ASIC2: variants seen among roughly 807,000 people sequenced by gnomAD.
ASIC2 encodes acid-sensing ion channel 2.
ASIC2 carries 25 observed loss-of-function variants against 57.3 expected under a neutral mutation model. That is an observed-to-expected ratio of 0.44 (90% CI 0.32 to 0.61). The LOEUF (loss-of-function observed/expected upper bound fraction) is 0.61. Ranked by LOEUF, ASIC2 falls within the 20% of genes least tolerant of loss-of-function variation. ASIC2 has a pLI of 0.06. For synonymous variants in ASIC2, 319 were observed against 307.5 expected, an observed-to-expected ratio of 1.04 and a Z score of -0.39; for missense variants, 641 against 738.1, an observed-to-expected ratio of 0.87 and a Z score of 1.52.
At chr17:33,112,116 A>G (rs1357868800) in intron 1 of ASIC2, 49 bp from the exon 2 acceptor site, 1 of 1,554,034 alleles carries the variant, frequency 6.4e-7, no homozygotes, top group South Asian at 1.2e-5. Flanking sequence ...GTAACTTCAG[A>G]CGGGGGTCCA....
At chr17:33,258,508 G>A (rs978084101) in intron 1 of ASIC2, among the ~76,000 whole-genome samples, 2 of 152,176 alleles carry the variant, frequency 1.3e-5, no homozygotes, top group East Asian at 1.9e-4. Flanking sequence ...AGATCTAAAT[G>A]AAGTGAGGGA....
chr17:33,992,841 TGAC>T, intron 1 of ASIC2, among the ~76,000 whole-genome samples: 1 of 152,226 alleles, frequency 6.6e-6, no homozygotes, highest in African/African-American at 2.4e-5. Flanking sequence ...AATAAATGAA[TGAC>T]CAGAGTCAGC....
intron 1 of ASIC2, among the ~76,000 whole-genome samples, chr17:33,653,773 C>T (rs1906995624): frequency 6.6e-6 from 1 of 152,070 alleles, no homozygotes; most frequent in Non-Finnish European, 1.5e-5. Context: ...AATCTGGAAC[C>T]CCCCAGAGCT....
chr17:33,878,679 C>T (rs1914616879), intron 1 of ASIC2, among the ~76,000 whole-genome samples: 1 of 152,240 alleles, frequency 6.6e-6, no homozygotes. Flanking sequence ...TTGGAAAACA[C>T]TCTGCAGGAT....
intron 1 of ASIC2, among the ~76,000 whole-genome samples, chr17:33,407,240 T>C (rs1910504363): frequency 6.6e-6 from 1 of 152,224 alleles, no homozygotes; most frequent in Non-Finnish European, 1.5e-5. Context: ...AAGGACAATG[T>C]CTCAGTGCCC....
intron 1 of ASIC2, among the ~76,000 whole-genome samples, chr17:33,795,242 T>A (rs909283235): frequency 2.6e-5 from 4 of 152,234 alleles, no homozygotes; most frequent in African/African-American, 7.2e-5. Context: ...TCACCAACAC[T>A]ACTCATCCTA....
At chr17:33,863,633 G>A (rs955802959) in intron 1 of ASIC2, among the ~76,000 whole-genome samples, 1 of 152,242 alleles carries the variant, frequency 6.6e-6, no homozygotes, top group African/African-American at 2.4e-5. Flanking sequence ...AAGATAATCC[G>A]GGCCACCATC....
chr17:33,737,934 A>T (rs1385150098), intron 1 of ASIC2, among the ~76,000 whole-genome samples: 1 of 152,240 alleles, frequency 6.6e-6, no homozygotes, highest in Non-Finnish European at 1.5e-5. Context: ...AGAGAAGGAA[A>T]AACCCAACTT....
At chr17:33,536,260 C>T (rs374507842) in intron 1 of ASIC2, among the ~76,000 whole-genome samples, 179 of 152,278 alleles carry the variant, frequency 1.2e-3, no homozygotes, top group African/African-American at 4.2e-3. Context: ...TTTTGGATTT[C>T]TGTCTTTCCT....
At chr17:34,035,495 C>G (rs1306720543) in intron 1 of ASIC2, among the ~76,000 whole-genome samples, 1 of 150,210 alleles carries the variant, frequency 6.7e-6, no homozygotes, top group African/African-American at 2.5e-5. Context: ...GTCTAAAACA[C>G]CAAAAGCAAT....
At chr17:34,049,323 T>A (rs1019055850) in intron 1 of ASIC2, among the ~76,000 whole-genome samples, 1 of 151,986 alleles carries the variant, frequency 6.6e-6, no homozygotes, top group Admixed American at 6.6e-5. Flanking sequence ...ACAAGAAATA[T>A]GTTGTAGGCA....
intron 1 of ASIC2, among the ~76,000 whole-genome samples, chr17:33,325,015 T>A (rs535526881): frequency 9.8e-5 from 15 of 152,312 alleles, no homozygotes; most frequent in Admixed American, 2.6e-4. Flanking sequence ...AATGCTGACT[T>A]CTTTCCGGGC....
chr17:34,154,481 C>T (rs1187489357), intron 1 of ASIC2, among the ~76,000 whole-genome samples: 1 of 152,178 alleles, frequency 6.6e-6, no homozygotes, highest in East Asian at 1.9e-4. Flanking sequence ...ACAGCTCCTC[C>T]AAGAAACAGA....
In ASIC2 at chr17:33,280,946, A is replaced by G. The variant is rs964579848; in HGVS notation, c.708+10462T>C. Among the ~76,000 whole-genome samples, 12 of 152,314 alleles carry G rather than the reference A, an allele frequency of 7.9e-5. No homozygotes were observed. The South Asian group carries it at 2.1e-3, about 26-fold the overall frequency. On this transcript the variant is annotated intron_variant, in intron 1 of 9. Coordinates refer to ENST00000225823, the MANE Select transcript of ASIC2 (RefSeq NM_183377.2). ...AAGATTAAACCCTTCACTTTCTAAG[A>G]TCAGAGTATCAACAACTTTCAGATC...
chr17:34,100,857 T>C (rs1199328290), intron 1 of ASIC2, among the ~76,000 whole-genome samples: 1 of 152,204 alleles, frequency 6.6e-6, no homozygotes, highest in African/African-American at 2.4e-5. Flanking sequence ...TACTTGATCA[T>C]AGGAAGCCAT....
intron 1 of ASIC2, among the ~76,000 whole-genome samples, chr17:33,388,093 AAAG>A (rs1203479266): frequency 2.2e-4 from 20 of 92,238 alleles, no homozygotes; most frequent in Non-Finnish European, 4.1e-4. Flanking sequence ...AAAACAAAGC[AAAG>A]CAAAACAAAA....
rs2091834260 is a variant in ASIC2, at chr17:33,021,238, A to C, written c.1422T>G (p.Tyr474Ter). ...ACTTACCAAGTAAGGCAGCAACTTCATACGCCTTCTTCTGTTCAATTGTCT... is the reference window on the plus strand; with the variant it reads ...ACTTACCAAGTAAGGCAGCAACTTCCTACGCCTTCTTCTGTTCAATTGTCT... The part of the protein sequence containing the change: ...NYETIEQKKA[Y>*]EVAALLGDIG... Residue 474 changes from tyrosine (Y) to a stop codon, truncating the protein, a stop_gained, in exon 7 of 10, where the codon TAT becomes TAG. Transcript: ENST00000225823. LOFTEE classifies it high-confidence loss of function. 6.2e-7 allele frequency: 1 copy of C among 1,612,230 alleles called. No homozygotes were observed. Among genetic ancestry groups the C allele is most frequent in the Non-Finnish European group, 8.5e-7 (1 of 1,179,704 alleles).
chr17:33,096,086 G>A (rs1332090106), intron 2 of ASIC2, among the ~76,000 whole-genome samples: 1 of 152,342 alleles, frequency 6.6e-6, no homozygotes, highest in East Asian at 1.9e-4. Flanking sequence ...GCATGCAGAC[G>A]TGTACTAGTG....
Position 33,974,146 on chromosome 17 carries a change from G to A in ASIC2, c.555+181832C>T, listed in dbSNP as rs571232553. Reference sequence around the variant, plus strand: ...TTTTTTTTTTCTCCTCAAACCTCCTGTGCTCTCTGGAAGCTCTGGGAAGTG... The same window carrying A: ...TTTTTTTTTTCTCCTCAAACCTCCTATGCTCTCTGGAAGCTCTGGGAAGTG... On this transcript the variant is annotated intron_variant, in intron 1 of 9. Coordinates refer to the ASIC2 transcript ENST00000359872. Among the ~76,000 whole-genome samples the A allele has an allele frequency of 8.6e-5, 13 of 151,706 alleles. No homozygotes were observed. In the East Asian group the frequency reaches 2.5e-3, roughly 30 times the overall value.
Sources: gnomAD v4.1 joint callset for allele counts (sites outside exome capture counted in the v4.1 genomes callset) on GRCh38, gnomAD v4.1.1 for gene constraint, MANE v1.5 for transcripts, NCBI Gene and HGNC (gene_info 2026-07-23, HGNC 2026-07-21) for gene names.